The following ACOT8 variants were observed in gnomAD, a reference collection of about 807,000 sequenced individuals.
ACOT8 encodes the protein acyl-CoA thioesterase 8.
A neutral mutation model predicts 38.4 loss-of-function variants in ACOT8; 31 were observed. That is an observed-to-expected ratio of 0.81 (90% CI 0.61 to 1.09). ACOT8 has a LOEUF of 1.09. Among genes scored for constraint, ACOT8 ranks in the 50% least tolerant of loss-of-function variants. The pLI, the probability that ACOT8 is intolerant of heterozygous loss-of-function variation, is 0.00. For synonymous variants in ACOT8, 158 were observed against 170.3 expected, an observed-to-expected ratio of 0.93 and a Z score of 0.56; for missense variants, 373 against 421.8, an observed-to-expected ratio of 0.88 and a Z score of 1.01.
intron 3 of ACOT8, chr20:45,848,074 C>G (rs369985980): frequency 2.6e-5 from 4 of 156,016 alleles, no homozygotes; most frequent in African/African-American, 9.6e-5. Flanking sequence ...ACACCCAGCC[C>G]CAGCCTTATT....
chr20:45,841,925 C>G lies in ACOT8; in HGVS notation c.873G>C (p.Leu291=). The change falls in exon 6 of 6, where the codon CTG becomes CTC. Residue 291 remains leucine (L), a synonymous_variant. Transcript: ENST00000217455. The part of the protein sequence containing the change: ...GGSRGLVHGR[L]WRQDGVLAVT... ...CAGCTAGGACTCCATCCTGACGCCA[C>G]AGCCGCCCATGGACCAGCCCCCGAG... 6.2e-7 allele frequency: 1 copy of G among 1,613,224 alleles called. No individual in the cohort carries two copies. Among genetic ancestry groups the G allele is most frequent in the Non-Finnish European group, 8.5e-7 (1 of 1,179,940 alleles).
chr20:45,850,306 G>C (rs1984981312), intron 2 of ACOT8, among the ~76,000 whole-genome samples: 1 of 152,228 alleles, frequency 6.6e-6, no homozygotes, highest in African/African-American at 2.4e-5. Flanking sequence ...GCTTTCTCCG[G>C]TTGGTCCTAA....
At position 45,851,079 on chromosome 20, in the gene ACOT8, G is replaced by A. The variant is rs1381163714; in HGVS notation, c.263-2404C>T. ...TTCAACCTTCAGATGAAAGAAGCAG[G>A]TCTAGAGAAGTGTTGCTTCCTTCAC... On this transcript the variant is annotated intron_variant, in intron 2 of 5. Coordinates refer to ENST00000217455, the MANE Select transcript of ACOT8 (RefSeq NM_005469.4). 3.3e-5 allele frequency among the ~76,000 whole-genome samples: 5 copies of A among 152,202 alleles called. No homozygotes were observed. In the East Asian group the frequency reaches 9.6e-4, roughly 29 times the overall value.
At chr20:45,843,891 G>A in intron 4 of ACOT8, 170 bp from the exon 5 acceptor site, 1 of 1,310,504 alleles carries the variant, frequency 7.6e-7, no homozygotes, top group Admixed American at 2.8e-5. Context: ...ATGGCGACTT[G>A]GGGAGGGCAG....
chr20:45,844,177 G>A (rs1984490084), intron 4 of ACOT8, 86 bp downstream of exon 4: 1 of 1,567,400 alleles, frequency 6.4e-7, no homozygotes, highest in Non-Finnish European at 8.8e-7. Flanking sequence ...GCCCAGAGAA[G>A]GGAACTCATG....
At chr20:45,847,342 G>A (rs1255742079) in intron 3 of ACOT8, among the ~76,000 whole-genome samples, 6 of 152,226 alleles carry the variant, frequency 3.9e-5, no homozygotes, top group African/African-American at 7.2e-5. Flanking sequence ...CCAGGGGCCT[G>A]GGGGAGAGAG....
rs539539310 is a variant in ACOT8 at position 45,857,083 on chromosome 20, C to T, written c.128+105G>A. On this transcript the variant is annotated intron_variant, in intron 1 of 5. Transcript: ENST00000217455. ...CCTAATCGTGGCAGAGGGTGCATCC[C>T]ACGCAGAGCCATACTAGTCCCGGAG... 730 of 1,366,780 alleles carry T rather than the reference C, an allele frequency of 5.3e-4. 2 individuals carry two copies. In the Middle Eastern group the frequency reaches 0.014, roughly 26 times the overall value. The allele number at this position is 1,366,780 out of a possible 1,614,324, so 84.7% of individuals were successfully genotyped here.
At chr20:45,843,309 T>C in intron 5 of ACOT8, 1 of 749,868 alleles carries the variant, frequency 1.3e-6, no homozygotes, top group Non-Finnish European at 2.3e-6. Flanking sequence ...TGGGAGAAGG[T>C]GAATCACATT....
chr20:45,852,442 G>GT (rs1985128423), intron 2 of ACOT8, among the ~76,000 whole-genome samples: 1 of 151,902 alleles, frequency 6.6e-6, no homozygotes, highest in Admixed American at 6.6e-5. Context: ...GCCTCCCAAA[G>GT]TCCTGGGATT....
chr20:45,855,360 C>T, intron 1 of ACOT8, 68 bp from the exon 2 acceptor site: 1 of 1,573,808 alleles, frequency 6.4e-7, no homozygotes. Context: ...CTCACTAAGA[C>T]TCTAATGCAT....
intron 3 of ACOT8, among the ~76,000 whole-genome samples, chr20:45,846,156 A>C (rs936616716): frequency 1.3e-4 from 20 of 152,182 alleles, no homozygotes; most frequent in Non-Finnish European, 2.6e-4. Context: ...AATTTTAATT[A>C]ATGTAATATA....
At chr20:45,853,953 G>T in intron 2 of ACOT8, 1 of 1,304,392 alleles carries the variant, frequency 7.7e-7, no homozygotes, top group Non-Finnish European at 1.0e-6. Flanking sequence ...TCTCAGCTGG[G>T]GATCTACGCA....
rs1418299027 is a variant in ACOT8 at position 45,842,191 on chromosome 20, A to G, written c.842-235T>C. ...CTGGCCCAGGGCAGGGCTGCCCCAC[A>G]CAAGGGTGCACTGAGTGTCGTGGCT... On this transcript the variant is annotated intron_variant, in intron 5 of 5. Coordinates refer to ENST00000217455, the MANE Select transcript of ACOT8 (RefSeq NM_005469.4). 9 of 1,479,084 alleles carry G rather than the reference A, an allele frequency of 6.1e-6. No homozygotes were observed. The East Asian group carries it at 2.2e-4, about 36-fold the overall frequency. The allele number at this position is 1,479,084 out of a possible 1,614,324, so 91.6% of individuals were successfully genotyped here. A position where few individuals can be genotyped will look rare whatever the true frequency, so the allele number is the denominator to read the frequency against.
rs1436213963 is a variant in ACOT8 at position 45,844,353 on chromosome 20, C to T, written c.556G>A (p.Glu186Lys). 1 of 1,614,152 alleles carries T rather than the reference C, an allele frequency of 6.2e-7. No homozygotes were observed. The highest frequency in any genetic ancestry group is 1.6e-4 in the Middle Eastern group (1 of 6,062). Residue 186 changes from glutamate (E) to lysine (K), a missense_variant, in exon 4 of 6, where the codon GAG becomes AAG. By Grantham distance (56) the Glu-to-Lys change is moderately conservative. Transcript: ENST00000217455. ...NRIAAQEVPI[E>K]IKPVNPSPLS... is the part of the protein sequence containing the mutation. ...GGGGATGGGTTTACTGGCTTGATCT[C>T]AATGGGGACCTCCTGAGCAGCAATT...
At chr20:45,845,476 G>T (rs1323605918) in intron 3 of ACOT8, among the ~76,000 whole-genome samples, 1 of 152,100 alleles carries the variant, frequency 6.6e-6, no homozygotes, top group Non-Finnish European at 1.5e-5. Flanking sequence ...GATTACAGGA[G>T]TGAGCTGCTG....
chr20:45,855,351 T>C, intron 1 of ACOT8, 59 bp from the exon 2 acceptor site: 2 of 1,588,386 alleles, frequency 1.3e-6, no homozygotes, highest in Non-Finnish European at 1.7e-6. Flanking sequence ...TCTACTACCC[T>C]CACTAAGACT....
rs1984832732 is a variant in ACOT8, at chr20:45,848,471, G to T, written c.467C>A (p.Thr156Asn). Reference sequence around the variant, plus strand: ...TCACCTTAAATACTGGTCAATGAGGGTCTCACAGTCAAGCAGCTCTTCTGG... The same window carrying T: ...TCACCTTAAATACTGGTCAATGAGGTTCTCACAGTCAAGCAGCTCTTCTGG... ...PPPEELLDCE[T>N]LIDQYLRDPN... The change falls in exon 3 of 6, where the codon ACC (threonine) becomes AAC (asparagine). Residue 156 changes from threonine to asparagine, a missense_variant. Coordinates refer to ENST00000217455, the MANE Select transcript of ACOT8 (RefSeq NM_005469.4). 6.2e-7 allele frequency: 1 copy of T among 1,608,988 alleles called. No individual in the cohort carries two copies. Among genetic ancestry groups the T allele is most frequent in the African/African-American group, 1.3e-5 (1 of 74,756 alleles).
intron 2 of ACOT8, 111 bp from the exon 3 acceptor site, chr20:45,848,786 C>A: frequency 1.0e-6 from 1 of 990,316 alleles, no homozygotes; most frequent in Non-Finnish European, 1.5e-6. Flanking sequence ...TGACTACTAA[C>A]TGAGGTCTGC....
intron 5 of ACOT8, chr20:45,842,616 A>C (rs1337779660): frequency 1.0e-6 from 1 of 992,984 alleles, no homozygotes; most frequent in African/African-American, 1.7e-5. Flanking sequence ...TTTGATGTTT[A>C]TGAGGATGAT....
Sources: allele counts gnomAD v4.1 joint callset (sites outside exome capture counted in the v4.1 genomes callset), GRCh38; gene constraint gnomAD v4.1.1; transcripts MANE v1.5; gene names NCBI Gene and HGNC (gene_info 2026-07-23, HGNC 2026-07-21).